PDGFRA: variants seen among roughly 807,000 people sequenced by gnomAD.
PDGFRA encodes platelet derived growth factor receptor alpha, also known as platelet-derived growth factor receptor alpha.
In PDGFRA, 25 loss-of-function variants were observed where a neutral mutation model predicts 121.5. The ratio of observed to expected loss-of-function variants is 0.21; its 90% CI spans 0.15 to 0.29. PDGFRA has a LOEUF of 0.29. Ranked by LOEUF, PDGFRA falls within the 10% of genes least tolerant of loss-of-function variation. The probability of loss-of-function intolerance (pLI) is 1.00; values close to 1 mark genes in which losing one functional copy is unlikely to be tolerated. For synonymous variants in PDGFRA, 463 were observed against 494.8 expected (o/e 0.94, Z 0.85); for missense variants, 1,008 against 1,345.1 (o/e 0.75, Z 3.92).
intron 4 of PDGFRA, 67 bp downstream of exon 4, chr4:54,263,994 A>T: frequency 5.8e-6 from 7 of 1,201,838 alleles, no homozygotes; most frequent in African/African-American, 1.6e-5. Context: ...TGCGTGTAGG[A>T]TTTTTTTTTT....
At chr4:54,235,963 C>T (rs189429612) in intron 1 of PDGFRA, among the ~76,000 whole-genome samples, 3 of 152,274 alleles carry the variant, frequency 2.0e-5, no homozygotes, top group East Asian at 1.9e-4. Flanking sequence ...ATGTGATTTC[C>T]ATCCTTTCTT....
In PDGFRA at chr4:54,272,534, A is replaced by G. The variant is rs1723464606; in HGVS notation, c.1364+14A>G. ...AGATATTAAGAAGTATGGAAAACAG[A>G]TGTGTCTTCTTCTTTCGTGGTCAGA... is the stretch of plus-strand genomic sequence containing the variant. On this transcript the variant is annotated intron_variant, in intron 9 of 22. Coordinates refer to ENST00000257290, the MANE Select transcript of PDGFRA (RefSeq NM_006206.6). 6.2e-7 allele frequency: 1 copy of G among 1,612,780 alleles called. No individual in the cohort carries two copies. Among genetic ancestry groups the G allele is most frequent in the Non-Finnish European group, 8.5e-7 (1 of 1,179,484 alleles).
At position 54,261,250 on chromosome 4, in the gene PDGFRA, G is replaced by C; in HGVS notation, c.205G>C (p.Val69Leu). Residue 69 changes from valine (V) to leucine (L), a missense_variant, in exon 3 of 23, where the codon GTG becomes CTG. Around this residue, in one of 5 missense-constraint regions of PDGFRA, gnomAD observed 575 missense variants for 701.8 expected, o/e 0.82. Coordinates refer to ENST00000257290, the MANE Select transcript of PDGFRA (RefSeq NM_006206.6). Reference sequence around the variant, plus strand: ...CATGTCTGAAGAAGAGAGCTCCGATGTGGAAATCAGAAATGAAGAAAACAA... The same window carrying C: ...CATGTCTGAAGAAGAGAGCTCCGATCTGGAAATCAGAAATGAAGAAAACAA... Reference protein sequence around the residue: ...YPMSEEESSDVEIRNEENNSG... With the variant: ...YPMSEEESSDLEIRNEENNSG... 1 of 1,614,170 alleles carries C rather than the reference G, an allele frequency of 6.2e-7. No homozygotes were observed. Among genetic ancestry groups the C allele is most frequent in the East Asian group, 2.2e-5 (1 of 44,872 alleles).
intron 1 of PDGFRA, among the ~76,000 whole-genome samples, chr4:54,243,270 C>T (rs903785174): frequency 5.3e-5 from 8 of 152,258 alleles, no homozygotes; most frequent in African/African-American, 1.7e-4. Context: ...ATTAAGATCA[C>T]TTACTTATCA....
At chr4:54,235,878 C>T (rs898194669) in intron 1 of PDGFRA, among the ~76,000 whole-genome samples, 1 of 152,242 alleles carries the variant, frequency 6.6e-6, no homozygotes, top group South Asian at 2.1e-4. Context: ...CCTTGGTAGT[C>T]GTGCTTCCTA....
rs1039985533 is a variant in PDGFRA, at chr4:54,267,301, A to T, written c.772A>T (p.Ile258Phe). ...TYPGEVKGKGITMLEEIKVPS... is the reference protein window; with the variant it reads ...TYPGEVKGKGFTMLEEIKVPS... Reference sequence around the variant, plus strand: ...CCTTTTGCTGTAGAAAGGCAAAGGCATCACAATGCTGGAAGAAATCAAAGT... The same window carrying T: ...CCTTTTGCTGTAGAAAGGCAAAGGCTTCACAATGCTGGAAGAAATCAAAGT... Residue 258 changes from isoleucine (I) to phenylalanine (F), a missense_variant, in exon 6 of 23, where the codon ATC (isoleucine) becomes TTC (phenylalanine). Physicochemically the swap from Ile to Phe is conservative, Grantham distance 21 (BLOSUM62 0). Around this residue, in one of 5 missense-constraint regions of PDGFRA, gnomAD observed 575 missense variants for 701.8 expected, o/e 0.82. Coordinates refer to ENST00000257290, the MANE Select transcript of PDGFRA (RefSeq NM_006206.6). The T allele has an allele frequency of 2.5e-6, 4 of 1,614,196 alleles. No homozygotes were observed. The highest frequency in any genetic ancestry group is 3.4e-6 in the Non-Finnish European group (4 of 1,180,028).
intron 1 of PDGFRA, among the ~76,000 whole-genome samples, chr4:54,253,508 G>C (rs1016627224): frequency 1.3e-5 from 2 of 152,136 alleles, no homozygotes; most frequent in Non-Finnish European, 2.9e-5. Context: ...AACAGAGCAG[G>C]GGTCTCTTTC....
chr4:54,293,031 AAGTT>A (rs1724707888), intron 22 of PDGFRA, among the ~76,000 whole-genome samples: 1 of 152,166 alleles, frequency 6.6e-6, no homozygotes, highest in South Asian at 2.1e-4. Flanking sequence ...CATAAAATAA[AAGTT>A]AAAAAAAAAT....
chr4:54,277,309 C>A, intron 12 of PDGFRA, 79 bp from the exon 13 acceptor site: 1 of 945,222 alleles, frequency 1.1e-6, no homozygotes, highest in Non-Finnish European at 1.7e-6. Flanking sequence ...GCTGTCCGCC[C>A]GCAGAGAGCT....
chr4:54,250,343 T>C (rs1721982588), intron 1 of PDGFRA, among the ~76,000 whole-genome samples: 1 of 152,220 alleles, frequency 6.6e-6, no homozygotes, highest in South Asian at 2.1e-4. Context: ...CTAATGTAAG[T>C]CTTTTTCTGA....
rs1397813976 is a variant in PDGFRA, at chr4:54,295,912, A to G, written c.*640A>G. Reference sequence around the variant, plus strand: ...TAGAAGCCTGACAACTCATTTTCATATTGTAATCTATGTTTATAATACTAC... The same window carrying G: ...TAGAAGCCTGACAACTCATTTTCATGTTGTAATCTATGTTTATAATACTAC... On this transcript the variant is annotated 3_prime_UTR_variant, in exon 23 of 23. Transcript: ENST00000257290. 8.5e-6 allele frequency: 2 copies of G among 234,180 alleles called. No homozygotes were observed. The highest frequency in any genetic ancestry group is 1.7e-5 in the Non-Finnish European group (2 of 118,684). 14.5% of individuals were successfully genotyped at this position (234,180 alleles called of 1,614,324 possible). A position where few individuals can be genotyped will look rare whatever the true frequency, so the allele number is the denominator to read the frequency against.
In PDGFRA at chr4:54,229,341, G is replaced by T. The variant is rs1000046285; in HGVS notation, c.-87G>T. 3 of 398,530 alleles carry T rather than the reference G, an allele frequency of 7.5e-6. No homozygotes were observed. The highest frequency in any genetic ancestry group is 6.2e-4 in the Middle Eastern group (1 of 1,610). 24.7% of individuals were successfully genotyped at this position (398,530 alleles called of 1,614,324 possible). A position where few individuals can be genotyped will look rare whatever the true frequency, so the allele number is the denominator to read the frequency against. On this transcript the variant is annotated 5_prime_UTR_variant, in exon 1 of 23. Transcript: ENST00000257290. ...AGAAACAGAGGAGGAGACTGCAAGA[G>T]ATCATTGGAGGCCGTGGGCACGCTC... is the stretch of plus-strand genomic sequence containing the variant.
At position 54,295,990 on chromosome 4, in the gene PDGFRA, G is replaced by A; in HGVS notation, c.*718G>A. 1 of 232,670 alleles carries A rather than the reference G, an allele frequency of 4.3e-6. No homozygotes were observed. The highest frequency in any genetic ancestry group is 8.5e-6 in the Non-Finnish European group (1 of 117,520). The allele number at this position is 232,670 out of a possible 1,614,324, so 14.4% of individuals were successfully genotyped here. On this transcript the variant is annotated 3_prime_UTR_variant, in exon 23 of 23. Transcript: ENST00000257290. ...AATAATGTAACATGATTTCCCTCCAGAGAAAGCACAATTTAAAACAATCCT... is the reference window on the plus strand; with the variant it reads ...AATAATGTAACATGATTTCCCTCCAAAGAAAGCACAATTTAAAACAATCCT...
chr4:54,272,041 C>T (rs1159239927), intron 8 of PDGFRA, among the ~76,000 whole-genome samples: 1 of 128,496 alleles, frequency 7.8e-6, no homozygotes, highest in Non-Finnish European at 1.6e-5. Flanking sequence ...TTTTTCTTCT[C>T]ACCATGTTGC....
At chr4:54,238,875 C>T (rs534934073) in intron 1 of PDGFRA, among the ~76,000 whole-genome samples, 1 of 152,158 alleles carries the variant, frequency 6.6e-6, no homozygotes, top group South Asian at 2.1e-4. Flanking sequence ...GTCTGAGGGG[C>T]AGTTGGGTGG....
chr4:54,260,397 G>GTTTTTTTTTTTTTTTTTT (rs68009440), intron 2 of PDGFRA, among the ~76,000 whole-genome samples: 3 of 64,602 alleles, frequency 4.6e-5, no homozygotes, highest in African/African-American at 2.0e-4. Context: ...TTCCATGTGG[G>GTTTTTTTTTTTTTTTTTT]TTTTTTTTTT....
chr4:54,269,312 A>G (rs943739625), intron 7 of PDGFRA, among the ~76,000 whole-genome samples: 5 of 152,088 alleles, frequency 3.3e-5, no homozygotes, highest in Admixed American at 2.0e-4. Flanking sequence ...TAACTCTCAC[A>G]ATGACTCTGT....
intron 16 of PDGFRA, among the ~76,000 whole-genome samples, chr4:54,281,104 G>T (rs1302050441): frequency 6.6e-6 from 1 of 152,186 alleles, no homozygotes; most frequent in African/African-American, 2.4e-5. Context: ...TGAATATGTG[G>T]CAGGGTTAAA....
In PDGFRA at chr4:54,295,567, A is replaced by G. The variant is rs1227634788; in HGVS notation, c.*295A>G. On this transcript the variant is annotated 3_prime_UTR_variant, in exon 23 of 23. Coordinates refer to ENST00000257290, the MANE Select transcript of PDGFRA (RefSeq NM_006206.6). ...AGAAGGTGAACTTTGTGCTTCAAGG[A>G]CATTGGTGAGAGTCCAACAGACACA... The G allele has an allele frequency of 2.1e-6, 1 of 468,972 alleles. No homozygotes were observed. Among genetic ancestry groups the G allele is most frequent in the Non-Finnish European group, 3.9e-6 (1 of 254,486 alleles). The allele number at this position is 468,972 out of a possible 1,614,324, so 29.1% of individuals were successfully genotyped here. A position where few individuals can be genotyped will look rare whatever the true frequency, so the allele number is the denominator to read the frequency against.
Sources: allele counts gnomAD v4.1 joint callset (sites outside exome capture counted in the v4.1 genomes callset), GRCh38; gene constraint gnomAD v4.1.1; regional missense constraint gnomAD v4.1.1; transcripts MANE v1.5; gene names NCBI Gene and HGNC (gene_info 2026-07-23, HGNC 2026-07-21).